The following NDC1 variants were observed in gnomAD, a reference collection of about 807,000 sequenced individuals.
The protein encoded by NDC1 is NDC1 transmembrane nucleoporin.
In NDC1, 24 loss-of-function variants were observed where a neutral mutation model predicts 89.8. That is an observed-to-expected ratio of 0.27 (90% CI 0.19 to 0.38). NDC1 has a LOEUF of 0.38. Among genes scored for constraint, NDC1 ranks in the 10% least tolerant of loss-of-function variants. NDC1 has a pLI of 1.00. For missense variants in NDC1, 728 were observed against 797.6 expected (o/e 0.91, Z 1.05); for synonymous variants, 296 against 284.8 (o/e 1.04, Z -0.39).
intron 16 of NDC1, among the ~76,000 whole-genome samples, chr1:53,779,716 T>C (rs1647188987): frequency 6.6e-6 from 1 of 152,226 alleles, no homozygotes; most frequent in Non-Finnish European, 1.5e-5. Flanking sequence ...AAATAGTTTC[T>C]GAAAGAGACT....
intron 14 of NDC1, among the ~76,000 whole-genome samples, chr1:53,791,827 A>C (rs1243108313): frequency 6.6e-6 from 1 of 152,234 alleles, no homozygotes; most frequent in Non-Finnish European, 1.5e-5. Context: ...CCTTATCTGT[A>C]AAATGAGGAT....
At chr1:53,793,408 G>C (rs1005348375) in intron 13 of NDC1, 129 bp from the exon 14 acceptor site, 2 of 740,086 alleles carry the variant, frequency 2.7e-6, no homozygotes, top group South Asian at 3.3e-5. Flanking sequence ...TGTGGGCAAA[G>C]AATAATAATA....
At chr1:53,809,545 T>C in intron 7 of NDC1, 150 bp downstream of exon 7, 1 of 552,964 alleles carries the variant, frequency 1.8e-6, no homozygotes. Context: ...ACCTTTGGAA[T>C]TTTAAACCAT....
rs569175486 is a variant in NDC1, at chr1:53,780,073, T to C, written c.1800+7085A>G. ...ATCATCCTGCATTTCTTTTTTTTCT[T>C]TTTTTGAGATGGAATTTTGCTGTTG... On this transcript the variant is annotated intron_variant, in intron 16 of 17. Transcript: ENST00000371429. Among the ~76,000 whole-genome samples, 3 of 152,264 alleles carry C rather than the reference T, an allele frequency of 2.0e-5. No homozygotes were observed. In the East Asian group the frequency reaches 5.8e-4, roughly 29 times the overall value.
chr1:53,806,533 A>G lies in NDC1; in HGVS notation c.892-16T>C. On this transcript the variant is annotated splice_polypyrimidine_tract_variant and intron_variant, in intron 8 of 17. Transcript: ENST00000371429. ...ACACATGAGCCTATCAAATAAATTAAAAACCAAAAATGATTATTTTCATGA... is the reference window on the plus strand; with the variant it reads ...ACACATGAGCCTATCAAATAAATTAGAAACCAAAAATGATTATTTTCATGA... 2 of 1,432,316 alleles carry G rather than the reference A, an allele frequency of 1.4e-6. No homozygotes were observed. The highest frequency in any genetic ancestry group is 1.8e-6 in the Non-Finnish European group (2 of 1,083,072). 88.7% of individuals were successfully genotyped at this position (1,432,316 alleles called of 1,614,324 possible).
chr1:53,818,079 T>C (rs1208968233), intron 6 of NDC1, among the ~76,000 whole-genome samples: 5 of 152,156 alleles, frequency 3.3e-5, no homozygotes, highest in African/African-American at 4.8e-5. Flanking sequence ...ATGCACAGTA[T>C]TTTTTCTTTC....
intron 6 of NDC1, 44 bp downstream of exon 6, chr1:53,818,927 C>A (rs1648566301): frequency 2.3e-6 from 2 of 861,100 alleles, no homozygotes; most frequent in Admixed American, 2.5e-5. Context: ...ATTTTCTGGG[C>A]TATGAGATAA....
intron 13 of NDC1, among the ~76,000 whole-genome samples, chr1:53,794,695 G>C (rs1456670623): frequency 6.6e-6 from 1 of 152,048 alleles, no homozygotes; most frequent in East Asian, 1.9e-4. Context: ...CATAGAGACT[G>C]TGTCTCTACA....
At chr1:53,815,990 G>A (rs947202686) in intron 6 of NDC1, among the ~76,000 whole-genome samples, 1 of 152,110 alleles carries the variant, frequency 6.6e-6, no homozygotes, top group African/African-American at 2.4e-5. Context: ...GCTCATGGAT[G>A]GGTAATTAAT....
Position 53,789,114 on chromosome 1 carries a change from G to A in NDC1, c.1699+19C>T. The stretch of plus-strand genomic sequence containing the variant: ...ACTGACAATTAAAATCATAGTTACA[G>A]TTCACAGTCATTGCTTACCTTCTAA... On this transcript the variant is annotated intron_variant, in intron 15 of 17. Coordinates refer to ENST00000371429, the MANE Select transcript of NDC1 (RefSeq NM_018087.5). The A allele has an allele frequency of 6.6e-7, 1 of 1,521,132 alleles. No individual in the cohort carries two copies. Among genetic ancestry groups the A allele is most frequent in the Non-Finnish European group, 9.1e-7 (1 of 1,100,516 alleles). The allele number at this position is 1,521,132 out of a possible 1,614,324, so 94.2% of individuals were successfully genotyped here.
intron 11 of NDC1, among the ~76,000 whole-genome samples, chr1:53,800,177 T>TG (rs1647855564): frequency 6.6e-6 from 1 of 152,056 alleles, no homozygotes; most frequent in African/African-American, 2.4e-5. Context: ...ATACTTAGAG[T>TG]GTACAACGTG....
intron 16 of NDC1, among the ~76,000 whole-genome samples, chr1:53,785,407 A>C (rs550917897): frequency 8.5e-5 from 13 of 152,324 alleles, no homozygotes; most frequent in African/African-American, 2.6e-4. Context: ...AGTACAAATA[A>C]TAAAACTATC....
intron 8 of NDC1, 130 bp downstream of exon 8, chr1:53,807,526 T>G: frequency 3.3e-6 from 2 of 613,522 alleles, no homozygotes; most frequent in Non-Finnish European, 5.4e-6. Context: ...GCCCCAAGAG[T>G]CTCAGAAGAG....
intron 13 of NDC1, among the ~76,000 whole-genome samples, chr1:53,795,963 C>T (rs1468703382): frequency 6.6e-6 from 1 of 152,204 alleles, no homozygotes; most frequent in Non-Finnish European, 1.5e-5. Context: ...TACCACTCTC[C>T]CCTCACTCAC....
At chr1:53,831,737 TC>T (rs1649075706) in intron 3 of NDC1, among the ~76,000 whole-genome samples, 1 of 152,042 alleles carries the variant, frequency 6.6e-6, no homozygotes, top group Non-Finnish European at 1.5e-5. Flanking sequence ...TCTTATTGTA[TC>T]TTTTTTTCCT....
rs1318274011 is a variant in NDC1 at position 53,765,759 on chromosome 1, T to C, written c.*2211A>G. 1 of 152,076 alleles carries C rather than the reference T, an allele frequency of 6.6e-6. No individual in the cohort carries two copies. The highest frequency in any genetic ancestry group is 2.4e-5 in the African/African-American group (1 of 41,340). 9.4% of individuals were successfully genotyped at this position (152,076 alleles called of 1,614,324 possible). On this transcript the variant is annotated 3_prime_UTR_variant, in exon 18 of 18. Coordinates refer to ENST00000371429, the MANE Select transcript of NDC1 (RefSeq NM_018087.5). ...AAGAGCTGATACCATCATGTTTTTA[T>C]ACTAACAGCCGAGAAAGGCTTTTAA...
In NDC1 at chr1:53,833,981, C is replaced by T. The variant is rs546413056; in HGVS notation, c.179-1390G>A. Among the ~76,000 whole-genome samples, 371 of 152,200 alleles carry T rather than the reference C, an allele frequency of 2.4e-3. 1 individual carries two copies. The highest frequency in any genetic ancestry group is 4.5e-3 in the Non-Finnish European group (306 of 68,004). ...GAGTAGCTGGGACTACAGGTGCATGCCACCACACCCAGGCTGGTCATAAAC... is the reference window on the plus strand; with the variant it reads ...GAGTAGCTGGGACTACAGGTGCATGTCACCACACCCAGGCTGGTCATAAAC... On this transcript the variant is annotated intron_variant, in intron 2 of 17. Coordinates refer to ENST00000371429, the MANE Select transcript of NDC1 (RefSeq NM_018087.5).
chr1:53,822,046 C>T (rs1648684816), intron 5 of NDC1, among the ~76,000 whole-genome samples: 3 of 152,074 alleles, frequency 2.0e-5, no homozygotes, highest in Non-Finnish European at 4.4e-5. Context: ...CTCCTGGTAA[C>T]TCACAGAACA....
chr1:53,790,178 A>ACTGG (rs1414325104), intron 14 of NDC1, among the ~76,000 whole-genome samples: 1 of 151,868 alleles, frequency 6.6e-6, no homozygotes, highest in Non-Finnish European at 1.5e-5. Flanking sequence ...CAGCCTGGCC[A>ACTGG]ACATGGCGAA....
Sources: gnomAD v4.1 joint callset for allele counts (sites outside exome capture counted in the v4.1 genomes callset) on GRCh38, gnomAD v4.1.1 for gene constraint, MANE v1.5 for transcripts, NCBI Gene and HGNC (gene_info 2026-07-23, HGNC 2026-07-21) for gene names.